Variants in MYO1E observed in about 807,000 individuals in gnomAD.
MYO1E encodes the protein unconventional myosin-Ie.
Under a neutral mutation model 151.1 loss-of-function variants are expected in MYO1E, and 68 were observed. The observed-to-expected ratio is 0.45, with a 90% CI of 0.37 to 0.55. The LOEUF is 0.55. Among genes scored for constraint, MYO1E ranks in the 20% least tolerant of loss-of-function variants. The probability of loss-of-function intolerance (pLI) is 0.00; values close to 1 mark genes in which losing one functional copy is unlikely to be tolerated. For synonymous variants in MYO1E, 601 were observed against 501.7 expected, an observed-to-expected ratio of 1.20 and a Z score of -2.64; for missense variants, 1,363 against 1,389.3, an observed-to-expected ratio of 0.98 and a Z score of 0.30.
At chr15:59,322,355 A>G (rs866491398) in intron 1 of MYO1E, among the ~76,000 whole-genome samples, 1 of 152,212 alleles carries the variant, frequency 6.6e-6, no homozygotes, top group Admixed American at 6.5e-5. Flanking sequence ...CCTTTTCAAC[A>G]TAAGAAACTG....
chr15:59,185,169 C>T (rs2079688289), intron 18 of MYO1E, among the ~76,000 whole-genome samples: 1 of 151,824 alleles, frequency 6.6e-6, no homozygotes, highest in Admixed American at 6.6e-5. Flanking sequence ...GTTTGAGCTC[C>T]TTCTATATTC....
At position 59,208,307 on chromosome 15, in the gene MYO1E, A is replaced by C. The variant is rs1293450998; in HGVS notation, c.1530+374T>G. 14 of 568,272 alleles carry C rather than the reference A, an allele frequency of 2.5e-5. No homozygotes were observed. In the African/African-American group the frequency reaches 2.6e-4, roughly 11 times the overall value. 35.2% of individuals were successfully genotyped at this position (568,272 alleles called of 1,614,324 possible). Reference sequence around the variant, plus strand: ...GTATTTTTGGTACCTCTGATGTAGCAGCACTTGCCATGTTATATATATGTA... The same window carrying C: ...GTATTTTTGGTACCTCTGATGTAGCCGCACTTGCCATGTTATATATATGTA... On this transcript the variant is annotated intron_variant, in intron 14 of 27. Coordinates refer to ENST00000288235, the MANE Select transcript of MYO1E (RefSeq NM_004998.4).
At chr15:59,308,211 A>G (rs2080526800) in intron 1 of MYO1E, among the ~76,000 whole-genome samples, 1 of 107,858 alleles carries the variant, frequency 9.3e-6, no homozygotes. Context: ...TGACAGAGTG[A>G]GACTCTGTCT....
intron 2 of MYO1E, among the ~76,000 whole-genome samples, chr15:59,267,688 G>C (rs188571330): frequency 6.6e-6 from 1 of 152,224 alleles, no homozygotes; most frequent in Admixed American, 6.5e-5. Flanking sequence ...AAGTTGGACC[G>C]AATGAGCACA....
chr15:59,132,968 C>T lies in MYO1E; in HGVS notation c.*4412G>A, dbSNP rs1219790370. 2.0e-5 allele frequency: 3 copies of T among 152,210 alleles called. No individual in the cohort carries two copies. The highest frequency in any genetic ancestry group is 4.4e-5 in the Non-Finnish European group (3 of 68,040). The allele number at this position is 152,210 out of a possible 1,614,324, so 9.4% of individuals were successfully genotyped here. A position where few individuals can be genotyped will look rare whatever the true frequency, so the allele number is the denominator to read the frequency against. On this transcript the variant is annotated 3_prime_UTR_variant, in exon 28 of 28. Coordinates refer to ENST00000288235, the MANE Select transcript of MYO1E (RefSeq NM_004998.4). ...CTGTTGAGTTTTATGCGTGAGTTTT[C>T]TTCTCTCTCTCTTTTTAAATAGACT...
At chr15:59,151,243 T>C (rs139607827) in intron 26 of MYO1E, among the ~76,000 whole-genome samples, 1,844 of 151,138 alleles carry the variant, frequency 0.012, 16 homozygotes, top group Non-Finnish European at 0.019. Context: ...CTGGCCAACA[T>C]GGTGAAACCC....
At chr15:59,236,730 C>T (rs1416999652) in intron 4 of MYO1E, 58 bp from the exon 5 acceptor site, 4 of 1,366,300 alleles carry the variant, frequency 2.9e-6, no homozygotes, top group African/African-American at 1.4e-5. Flanking sequence ...AGCTCCCTTC[C>T]TTGTCTCCCC....
intron 1 of MYO1E, among the ~76,000 whole-genome samples, chr15:59,308,406 T>A (rs2080528801): frequency 6.6e-6 from 1 of 151,682 alleles, no homozygotes; most frequent in African/African-American, 2.4e-5. Flanking sequence ...GCACAATGGC[T>A]CACGCCTGTA....
chr15:59,181,238 G>A (rs1231004497), intron 18 of MYO1E, among the ~76,000 whole-genome samples: 2 of 152,152 alleles, frequency 1.3e-5, no homozygotes, highest in Non-Finnish European at 2.9e-5. Flanking sequence ...GAGAGGCTAA[G>A]GTCAGAGGAA....
At chr15:59,205,997 TG>T (rs2079831194) in intron 14 of MYO1E, among the ~76,000 whole-genome samples, 1 of 126,710 alleles carries the variant, frequency 7.9e-6, no homozygotes, top group Non-Finnish European at 1.6e-5. Context: ...TCAGATACTC[TG>T]TTTAACAAGA....
At chr15:59,348,891 A>C (rs766135172) in intron 1 of MYO1E, 1 of 152,260 alleles carries the variant, frequency 6.6e-6, no homozygotes, top group Non-Finnish European at 1.5e-5. Flanking sequence ...TAGGCCTCCC[A>C]AAGTGCTGGG....
chr15:59,325,788 T>C (rs1163555880), intron 1 of MYO1E, among the ~76,000 whole-genome samples: 1 of 152,190 alleles, frequency 6.6e-6, no homozygotes, highest in Non-Finnish European at 1.5e-5. Flanking sequence ...CCATGGCATC[T>C]GTAGTGCTCA....
intron 6 of MYO1E, among the ~76,000 whole-genome samples, chr15:59,228,728 T>C (rs1413236921): frequency 6.6e-6 from 1 of 152,122 alleles, no homozygotes; most frequent in Non-Finnish European, 1.5e-5. Flanking sequence ...AAAATGTGTA[T>C]GCTGACTAAA....
At chr15:59,149,639 A>G (rs1164662222) in intron 26 of MYO1E, among the ~76,000 whole-genome samples, 1 of 152,218 alleles carries the variant, frequency 6.6e-6, no homozygotes, top group East Asian at 1.9e-4. Flanking sequence ...ATAAACTGAT[A>G]AAGACTTGCC....
chr15:59,275,996 C>G (rs2080316498), intron 1 of MYO1E, among the ~76,000 whole-genome samples: 1 of 152,148 alleles, frequency 6.6e-6, no homozygotes, highest in Admixed American at 6.6e-5. Context: ...GGCATTGTTA[C>G]CACGCACTAT....
In MYO1E at chr15:59,333,072, A is replaced by G. The variant is rs566092298; in HGVS notation, c.3+39426T>C. Among the ~76,000 whole-genome samples, 13 of 152,288 alleles carry G rather than the reference A, an allele frequency of 8.5e-5. No individual in the cohort carries two copies. In the South Asian group the frequency reaches 1.9e-3, roughly 22 times the overall value. ...TCTTATTTATCTGGATTGGCCATAC[A>G]CAGTAATCTCACTAGCTGACAGTTG... is the stretch of plus-strand genomic sequence containing the variant. On this transcript the variant is annotated intron_variant, in intron 1 of 27. Coordinates refer to ENST00000288235, the MANE Select transcript of MYO1E (RefSeq NM_004998.4).
chr15:59,359,789 G>A (rs1182409660), intron 1 of MYO1E: 1 of 152,220 alleles, frequency 6.6e-6, no homozygotes, highest in Admixed American at 6.5e-5. Context: ...ATCCTTCTGT[G>A]GATGAGGCTG....
At chr15:59,186,232 C>T (rs1210028120) in intron 18 of MYO1E, among the ~76,000 whole-genome samples, 7 of 152,122 alleles carry the variant, frequency 4.6e-5, no homozygotes, top group Non-Finnish European at 7.4e-5. Flanking sequence ...GAGTTTCTGA[C>T]GCTTTATTAT....
At chr15:59,345,667 G>A (rs1314177638) in intron 1 of MYO1E, among the ~76,000 whole-genome samples, 1 of 152,222 alleles carries the variant, frequency 6.6e-6, no homozygotes, top group Non-Finnish European at 1.5e-5. Flanking sequence ...TGCAAAGAGA[G>A]AGGTACCAGG....
Sources: gnomAD v4.1 joint callset for allele counts (sites outside exome capture counted in the v4.1 genomes callset) on GRCh38, gnomAD v4.1.1 for gene constraint, MANE v1.5 for transcripts, NCBI Gene and HGNC (gene_info 2026-07-23, HGNC 2026-07-21) for gene names.